Variants in RALGAPA2 observed in about 807,000 individuals in gnomAD.
The protein encoded by RALGAPA2 is ral GTPase-activating protein subunit alpha-2.
In RALGAPA2, 139 loss-of-function variants were observed where a neutral mutation model predicts 230.4. The ratio of observed to expected loss-of-function variants is 0.60; its 90% CI spans 0.53 to 0.69. RALGAPA2 has a LOEUF of 0.69. Ranked by LOEUF, RALGAPA2 falls within the 30% of genes least tolerant of loss-of-function variation. RALGAPA2 has a pLI of 0.00. For synonymous variants in RALGAPA2, 847 were observed against 837.8 expected (o/e 1.01, Z -0.19); for missense variants, 2,163 against 2,276.0 (o/e 0.95, Z 1.01).
chr20:20,542,961 G>A (rs2063687893), intron 24 of RALGAPA2, among the ~76,000 whole-genome samples: 1 of 152,174 alleles, frequency 6.6e-6, no homozygotes, highest in Non-Finnish European at 1.5e-5. Context: ...ACTATCATTG[G>A]AGTGAACAGG....
At chr20:20,554,451 A>G (rs2064021436) in intron 23 of RALGAPA2, among the ~76,000 whole-genome samples, 1 of 151,942 alleles carries the variant, frequency 6.6e-6, no homozygotes, top group Admixed American at 6.6e-5. Flanking sequence ...CCTTTTGGTG[A>G]CTGGTTTTGA....
At chr20:20,493,450 T>C (rs1396534800) in intron 36 of RALGAPA2, among the ~76,000 whole-genome samples, 3 of 152,196 alleles carry the variant, frequency 2.0e-5, no homozygotes, top group African/African-American at 7.2e-5. Flanking sequence ...ATAAGAAAGT[T>C]TACAAGGTAT....
chr20:20,583,333 A>G, intron 19 of RALGAPA2, 107 bp from the exon 20 acceptor site: 1 of 1,221,192 alleles, frequency 8.2e-7, no homozygotes, highest in African/African-American at 1.5e-5. Context: ...CACAGTAGGA[A>G]TCATTCATGT....
chr20:20,480,517 G>C (rs1276399836), intron 36 of RALGAPA2, among the ~76,000 whole-genome samples: 1 of 152,118 alleles, frequency 6.6e-6, no homozygotes, highest in Non-Finnish European at 1.5e-5. Context: ...TACTTAAGGA[G>C]TACTTTAGTA....
chr20:20,688,646 C>A (rs2068789203), intron 1 of RALGAPA2, among the ~76,000 whole-genome samples: 2 of 152,174 alleles, frequency 1.3e-5, no homozygotes, highest in African/African-American at 4.8e-5. Context: ...ACTTCTATAC[C>A]TCAGTCTCCC....
chr20:20,599,868 G>A (rs2065580126), intron 16 of RALGAPA2, among the ~76,000 whole-genome samples: 1 of 152,078 alleles, frequency 6.6e-6, no homozygotes, highest in African/African-American at 2.4e-5. Flanking sequence ...AGCTACTCGG[G>A]AGGCTGAGGT....
chr20:20,395,355 C>T (rs559735915), intron 39 of RALGAPA2, among the ~76,000 whole-genome samples: 6 of 152,340 alleles, frequency 3.9e-5, no homozygotes, highest in African/African-American at 1.2e-4. Flanking sequence ...AAGGTACGGC[C>T]GCCTTCCTGA....
chr20:20,643,789 C>T (rs142304120), intron 4 of RALGAPA2, among the ~76,000 whole-genome samples: 1,538 of 151,726 alleles, frequency 0.01, 18 homozygotes, highest in Non-Finnish European at 0.012. Context: ...TAAGGTAAGC[C>T]AAATGCCCAC....
chr20:20,504,963 G>T (rs1211152829), intron 34 of RALGAPA2: 1 of 977,050 alleles, frequency 1.0e-6, no homozygotes, highest in African/African-American at 1.8e-5. Flanking sequence ...TAGGGAAATA[G>T]GTTGATAGCT....
At chr20:20,448,872 T>TGAA (rs1285694479) in intron 37 of RALGAPA2, among the ~76,000 whole-genome samples, 2 of 146,930 alleles carry the variant, frequency 1.4e-5, no homozygotes, top group South Asian at 2.1e-4. Flanking sequence ...GAATGTATAT[T>TGAA]GAAAAAAAAA....
At chr20:20,703,453 C>T (rs563622878) in intron 1 of RALGAPA2, among the ~76,000 whole-genome samples, 135 of 152,162 alleles carry the variant, frequency 8.9e-4, no homozygotes, top group Non-Finnish European at 1.6e-3. Flanking sequence ...CCTGAAAATG[C>T]TATTTGTATT....
chr20:20,671,286 C>A (rs567071353), intron 3 of RALGAPA2, among the ~76,000 whole-genome samples: 18 of 152,336 alleles, frequency 1.2e-4, no homozygotes, highest in African/African-American at 4.3e-4. Flanking sequence ...TTTACATACT[C>A]CTCTTTCATG....
chr20:20,619,558 T>C, intron 11 of RALGAPA2, 144 bp from the exon 12 acceptor site: 1 of 659,524 alleles, frequency 1.5e-6, no homozygotes, highest in Non-Finnish European at 2.0e-6. Context: ...AGGATTCACA[T>C]GAAAATAGGT....
At chr20:20,624,385 G>A (rs2066425288) in intron 10 of RALGAPA2, among the ~76,000 whole-genome samples, 3 of 149,192 alleles carry the variant, frequency 2.0e-5, no homozygotes, top group African/African-American at 7.4e-5. Context: ...ATCATAAAAG[G>A]ACTTAAGGCA....
rs1222083972 is a variant in RALGAPA2, at chr20:20,572,991, C to G, written c.2785G>C (p.Ala929Pro). The change falls in exon 21 of 40, where the codon GCT becomes CCT. Residue 929 changes from alanine (A) to proline (P), a missense_variant. Coordinates refer to ENST00000202677, the MANE Select transcript of RALGAPA2 (RefSeq NM_020343.4). Reference protein sequence around the residue: ...SLTGWHPDSAAVLWRRVLGIL... With the variant: ...SLTGWHPDSAPVLWRRVLGIL... ...CCCAAGACCCTTCGCCATAACACAG[C>G]AGCAGAGTCTGGGTGCCAACCAGTG... The G allele has an allele frequency of 3.1e-6, 5 of 1,610,026 alleles. 1 individual carries two copies. The Admixed American group carries it at 8.4e-5, about 27-fold the overall frequency.
In RALGAPA2 at chr20:20,447,207, T is replaced by C. The variant is rs1225159832; in HGVS notation, c.5495+25622A>G. Among the ~76,000 whole-genome samples, 3 of 152,220 alleles carry C rather than the reference T, an allele frequency of 2.0e-5. No homozygotes were observed. In the East Asian group the frequency reaches 5.8e-4, roughly 29 times the overall value. ...TCAGCTGTCTGACTTGGTGGCAGTA[T>C]TGAGAATTTGCTAACATGGCAAGCA... On this transcript the variant is annotated intron_variant, in intron 37 of 39. Transcript: ENST00000202677.
At chr20:20,410,270 T>C (rs1165526755) in intron 38 of RALGAPA2, among the ~76,000 whole-genome samples, 1 of 152,242 alleles carries the variant, frequency 6.6e-6, no homozygotes, top group African/African-American at 2.4e-5. Context: ...TCAAATTAGT[T>C]TATACAGAGG....
At chr20:20,555,276 A>T in intron 23 of RALGAPA2, among the ~76,000 whole-genome samples, 1 of 152,164 alleles carries the variant, frequency 6.6e-6, no homozygotes, top group Non-Finnish European at 1.5e-5. Context: ...TATTCCATTG[A>T]TCTATATGTT....
At chr20:20,532,864 T>G (rs1369426559) in intron 26 of RALGAPA2, among the ~76,000 whole-genome samples, 1 of 151,840 alleles carries the variant, frequency 6.6e-6, no homozygotes, top group African/African-American at 2.4e-5. Flanking sequence ...GGAGCAAAAT[T>G]AGGGAATTAT....
Sources: gnomAD v4.1 joint callset for allele counts (sites outside exome capture counted in the v4.1 genomes callset) on GRCh38, gnomAD v4.1.1 for gene constraint, MANE v1.5 for transcripts, NCBI Gene and HGNC (gene_info 2026-07-23, HGNC 2026-07-21) for gene names.